Variants in PRDM5 observed in about 807,000 individuals in gnomAD.
PRDM5 encodes the protein PR/SET domain 5, also known as PR domain zinc finger protein 5.
A neutral mutation model predicts 81.2 loss-of-function variants in PRDM5; 56 were observed. That is an observed-to-expected ratio of 0.69 (90% CI 0.56 to 0.86). The LOEUF (loss-of-function observed/expected upper bound fraction) is 0.86. Among genes scored for constraint, PRDM5 ranks in the 40% least tolerant of loss-of-function variants. The probability of loss-of-function intolerance (pLI) is 0.00; values close to 1 mark genes in which losing one functional copy is unlikely to be tolerated. For missense variants in PRDM5, 697 were observed against 770.1 expected (o/e 0.91, Z 1.12); for synonymous variants, 267 against 256.4 (o/e 1.04, Z -0.39).
At chr4:120,769,038 G>A (rs1009734049) in intron 13 of PRDM5, among the ~76,000 whole-genome samples, 7 of 152,180 alleles carry the variant, frequency 4.6e-5, no homozygotes, top group Admixed American at 6.6e-5. Flanking sequence ...CAAAGTGAAT[G>A]TTACGGATTT....
downstream of PRDM5, among the ~76,000 whole-genome samples, chr4:120,684,596 T>C (rs535256558): frequency 1.3e-5 from 2 of 152,110 alleles, no homozygotes; most frequent in African/African-American, 2.4e-5. Flanking sequence ...ATCAATCACA[T>C]TGGGGCACTT....
At chr4:120,719,932 A>C (rs1012490316) in intron 14 of PRDM5, among the ~76,000 whole-genome samples, 6 of 151,948 alleles carry the variant, frequency 3.9e-5, no homozygotes, top group African/African-American at 1.4e-4. Context: ...GATATCAGGA[A>C]GATGGATCAT....
chr4:120,685,655 A>G (rs1053499716), intron 1 of PRDM5, among the ~76,000 whole-genome samples: 11 of 152,118 alleles, frequency 7.2e-5, no homozygotes, highest in African/African-American at 2.7e-4. Context: ...TGTGTCAGGC[A>G]TCCATTGCAG....
At chr4:120,903,540 T>C (rs1439988166) in intron 2 of PRDM5, among the ~76,000 whole-genome samples, 2 of 152,226 alleles carry the variant, frequency 1.3e-5, no homozygotes, top group Non-Finnish European at 2.9e-5. Flanking sequence ...ATGTTCCCTC[T>C]AGAAGACCTA....
At chr4:120,860,390 AT>A (rs141798413) in intron 2 of PRDM5, among the ~76,000 whole-genome samples, 18,319 of 152,070 alleles carry the variant, frequency 0.12, 1,317 homozygotes, top group East Asian at 0.17. Flanking sequence ...AATTGGGCTA[AT>A]TTTTTTTAAA....
At chr4:120,844,001 G>A (rs115047017) in intron 3 of PRDM5, among the ~76,000 whole-genome samples, 2 of 151,994 alleles carry the variant, frequency 1.3e-5, no homozygotes, top group Admixed American at 6.6e-5. Context: ...AGGATGCTTC[G>A]TGCACCTAAA....
At chr4:120,853,010 C>T (rs1199211667) in intron 3 of PRDM5, among the ~76,000 whole-genome samples, 1 of 152,022 alleles carries the variant, frequency 6.6e-6, no homozygotes, top group East Asian at 1.9e-4. Context: ...AAGCTCAAAG[C>T]CTGGTCACAG....
intron 14 of PRDM5, among the ~76,000 whole-genome samples, chr4:120,716,279 A>G (rs915916821): frequency 2.0e-5 from 3 of 152,164 alleles, no homozygotes; most frequent in Non-Finnish European, 4.4e-5. Context: ...TACAACAACC[A>G]TGTATTTATA....
chr4:120,699,366 T>C (rs1735026349), intron 15 of PRDM5, among the ~76,000 whole-genome samples: 1 of 151,840 alleles, frequency 6.6e-6, no homozygotes, highest in Non-Finnish European at 1.5e-5. Context: ...TCTGCATTTC[T>C]GTACAGGCTT....
intron 14 of PRDM5, among the ~76,000 whole-genome samples, chr4:120,735,012 C>T (rs919055150): frequency 6.6e-6 from 1 of 152,170 alleles, no homozygotes; most frequent in African/African-American, 2.4e-5. Context: ...AGTTAGTTGG[C>T]CATCTGAGAC....
intron 2 of PRDM5, among the ~76,000 whole-genome samples, chr4:120,860,435 G>A (rs527640039): frequency 2.0e-5 from 3 of 152,028 alleles, no homozygotes; most frequent in African/African-American, 7.2e-5. Flanking sequence ...GAAACACATA[G>A]TGAAAACCAC....
Position 120,741,303 on chromosome 4 carries a change from A to T in PRDM5, c.1623+13250T>A, listed in dbSNP as rs548809035. On this transcript the variant is annotated intron_variant, in intron 14 of 15. Coordinates refer to ENST00000264808, the MANE Select transcript of PRDM5 (RefSeq NM_018699.4). ...AGCAGCCCTCACTCCTCCTGCCTTA[A>T]CATCTTAATTCAAATAGAATGAACC... 2.0e-5 allele frequency among the ~76,000 whole-genome samples: 3 copies of T among 152,164 alleles called. No homozygotes were observed. The South Asian group carries it at 6.2e-4, about 32-fold the overall frequency.
At chr4:120,710,275 G>T in intron 15 of PRDM5, 34 bp downstream of exon 15, 1 of 1,559,430 alleles carries the variant, frequency 6.4e-7, no homozygotes, top group Non-Finnish European at 8.8e-7. Flanking sequence ...TCTGTTATTG[G>T]AAGACACTAT....
intron 8 of PRDM5, among the ~76,000 whole-genome samples, chr4:120,803,728 A>G (rs905193688): frequency 2.0e-5 from 3 of 152,218 alleles, no homozygotes; most frequent in African/African-American, 7.2e-5. Flanking sequence ...AGGAACAACC[A>G]GTACCAGCCA....
intron 2 of PRDM5, among the ~76,000 whole-genome samples, chr4:120,863,968 T>G (rs1017125517): frequency 1.3e-5 from 2 of 152,106 alleles, no homozygotes; most frequent in African/African-American, 4.8e-5. Context: ...AGGAAATAAA[T>G]GGTGACTGTA....
chr4:120,843,282 C>A (rs1034549602), intron 3 of PRDM5, among the ~76,000 whole-genome samples: 1 of 152,006 alleles, frequency 6.6e-6, no homozygotes, highest in Admixed American at 6.6e-5. Context: ...CGCAGTGAGC[C>A]GAGATTGTGC....
At chr4:120,685,812 TTCCC>T (rs1469739282) in intron 1 of PRDM5, among the ~76,000 whole-genome samples, 2 of 152,146 alleles carry the variant, frequency 1.3e-5, no homozygotes, top group Non-Finnish European at 2.9e-5. Context: ...ATGGTCTTTC[TTCCC>T]TCCTTTTCTT....
intron 2 of PRDM5, among the ~76,000 whole-genome samples, chr4:120,867,130 A>AGCAATT (rs1761265722): frequency 6.6e-6 from 1 of 152,170 alleles, no homozygotes; most frequent in Admixed American, 6.5e-5. Context: ...AGCAACCTGA[A>AGCAATT]TGAGCTTGGA....
intron 14 of PRDM5, among the ~76,000 whole-genome samples, chr4:120,722,404 C>T (rs1053637139): frequency 6.6e-6 from 1 of 152,012 alleles, no homozygotes; most frequent in African/African-American, 2.4e-5. Context: ...TATATCACTG[C>T]TAGCAGAACC....
Sources: allele counts gnomAD v4.1 joint callset (sites outside exome capture counted in the v4.1 genomes callset), GRCh38; gene constraint gnomAD v4.1.1; transcripts MANE v1.5; gene names NCBI Gene and HGNC (gene_info 2026-07-23, HGNC 2026-07-21).